The following SYNE2 variants were observed in gnomAD, a reference collection of about 807,000 sequenced individuals.
SYNE2 encodes the protein nesprin-2.
A neutral mutation model predicts 856.3 loss-of-function variants in SYNE2; 431 were observed. That is an observed-to-expected ratio of 0.50 (90% CI 0.47 to 0.55). The LOEUF is 0.55. SYNE2 is among the 20% of genes least tolerant of loss of function. The pLI, the probability that SYNE2 is intolerant of heterozygous loss-of-function variation, is 0.00. For synonymous variants in SYNE2, 2,923 were observed against 2,872.3 expected (o/e 1.02, Z -0.56); for missense variants, 8,129 against 8,023.2 (o/e 1.01, Z -0.50).
chr14:63,785,890 G>A (rs1170647202), intron 1 of SYNE2, among the ~76,000 whole-genome samples: 3 of 152,092 alleles, frequency 2.0e-5, no homozygotes, highest in Non-Finnish European at 4.4e-5. Context: ...AGGACCAATC[G>A]AGCCCAGGAG....
Position 64,113,257 on chromosome 14 carries a change from G to A in SYNE2, c.12610-84G>A, listed in dbSNP as rs1014077939. The A allele has an allele frequency of 3.1e-6, 5 of 1,607,328 alleles. No homozygotes were observed. In the Admixed American group the frequency reaches 8.4e-5, roughly 27 times the overall value. On this transcript the variant is annotated intron_variant, in intron 65 of 115. Coordinates refer to ENST00000555002, the MANE Select transcript of SYNE2 (RefSeq NM_182914.3). ...GTCCTGATTTTGTTTCTTTTAACTG[G>A]GGAAATGTTGCAGGTTCCCAGGTCT...
chr14:63,908,904 T>C (rs1021457239), intron 1 of SYNE2, among the ~76,000 whole-genome samples, 194 bp from the exon 2 acceptor site: 2 of 152,196 alleles, frequency 1.3e-5, no homozygotes, highest in African/African-American at 2.4e-5. Context: ...GAATAAGTCA[T>C]AGGGCAAAAT....
chr14:64,093,794 T>A (rs1004210938), intron 61 of SYNE2, among the ~76,000 whole-genome samples: 1 of 152,184 alleles, frequency 6.6e-6, no homozygotes, highest in Non-Finnish European at 1.5e-5. Flanking sequence ...CATCTCCTTC[T>A]TTAATGGAGG....
In SYNE2 at chr14:63,769,529, G is replaced by A. The variant is rs140756638; in HGVS notation, c.-305+7543G>A. Among the ~76,000 whole-genome samples the A allele has an allele frequency of 4.5e-3, 685 of 152,174 alleles. 8 individuals carry two copies. Among genetic ancestry groups the A allele is most frequent in the East Asian group, 0.043 (222 of 5,166 alleles). On this transcript the variant is annotated intron_variant, in intron 1 of 23. Coordinates refer to the SYNE2 transcript ENST00000674003. ...AAAAATACAAAAAAATTAGCTGGGC[G>A]TGGTGGCGGGCGCCGGTAGTCCCAG...
intron 1 of SYNE2, among the ~76,000 whole-genome samples, chr14:63,770,089 T>C (rs527446739): frequency 3.9e-5 from 6 of 152,208 alleles, no homozygotes; most frequent in African/African-American, 1.4e-4. Flanking sequence ...TTATTTTTTA[T>C]TTTTATCTTT....
intron 94 of SYNE2, 37 bp downstream of exon 94, chr14:64,170,499 G>A: frequency 6.4e-7 from 1 of 1,561,494 alleles, no homozygotes. Context: ...GAACCACAGG[G>A]TGGTCATTGT....
intron 1 of SYNE2, among the ~76,000 whole-genome samples, chr14:63,802,855 T>C (rs1411402510): frequency 6.6e-6 from 1 of 152,066 alleles, no homozygotes; most frequent in Non-Finnish European, 1.5e-5. Flanking sequence ...TCGTTCCTCC[T>C]GGTGGGCTCG....
At chr14:64,218,039 C>T (rs2098675146) in intron 108 of SYNE2, among the ~76,000 whole-genome samples, 1 of 152,220 alleles carries the variant, frequency 6.6e-6, no homozygotes, top group African/African-American at 2.4e-5. Flanking sequence ...TATGAAAATT[C>T]AAAGTGCTAA....
At chr14:63,775,729 G>A (rs921217742) in intron 1 of SYNE2, among the ~76,000 whole-genome samples, 2 of 152,100 alleles carry the variant, frequency 1.3e-5, no homozygotes, top group African/African-American at 4.8e-5. Context: ...CTACAGGTGC[G>A]TGCCACCGCC....
In SYNE2 at chr14:64,210,144, G is replaced by T. The variant is rs771206230; in HGVS notation, c.18723+20G>T. 28 of 1,611,532 alleles carry T rather than the reference G, an allele frequency of 1.7e-5. No individual in the cohort carries two copies. The highest frequency in any genetic ancestry group is 2.3e-5 in the Non-Finnish European group (27 of 1,178,690). ...CTCAGGGTGAGCTCCTCTGCACCTG[G>T]CTCGGGTGTAGATTTTCCAGGAGAC... is the stretch of plus-strand genomic sequence containing the variant. On this transcript the variant is annotated intron_variant, in intron 103 of 115. Coordinates refer to ENST00000555002, the MANE Select transcript of SYNE2 (RefSeq NM_182914.3).
At chr14:64,106,849 TA>T (rs1382088428) in intron 64 of SYNE2, among the ~76,000 whole-genome samples, 5 of 152,306 alleles carry the variant, frequency 3.3e-5, no homozygotes, top group East Asian at 1.9e-4. Context: ...AATTTATTGT[TA>T]GGGGTGATAC....
intron 61 of SYNE2, among the ~76,000 whole-genome samples, chr14:64,095,382 G>A (rs1470169021): frequency 1.3e-5 from 2 of 152,070 alleles, no homozygotes; most frequent in African/African-American, 4.8e-5. Context: ...AAAATTTACT[G>A]GCCTACTTTG....
Position 64,211,996 on chromosome 14 carries a change from C to G in SYNE2, c.18759C>G (p.Thr6253=). The G allele has an allele frequency of 6.2e-7, 1 of 1,614,158 alleles. No homozygotes were observed. The highest frequency in any genetic ancestry group is 8.5e-7 in the Non-Finnish European group (1 of 1,180,032). The change falls in exon 104 of 116, where the codon ACC becomes ACG. Residue 6253 remains threonine, a synonymous_variant. Transcript: ENST00000555002. ...ACCAGAGGGAAGAATTTGAGGGCAC[C>G]AGGGAGAGCATTCTGGTGTGGCTCA... The part of the protein sequence containing the change: ...FTNQREEFEG[T]RESILVWLTE...
intron 78 of SYNE2, 112 bp downstream of exon 78, chr14:64,134,312 A>G (rs1266983332): frequency 1.8e-6 from 2 of 1,114,340 alleles, no homozygotes; most frequent in Non-Finnish European, 2.7e-6. Context: ...CAAAATGTTC[A>G]TCATACAACT....
At position 63,789,830 on chromosome 14, in the gene SYNE2, C is replaced by T. The variant is rs1287992687; in HGVS notation, c.-305+27844C>T. ...TAAACTAAGGAGACCTCACCAAAGA[C>T]AGATTGGGAATATAAAAAGTGAGTG... On this transcript the variant is annotated intron_variant, in intron 1 of 23. Coordinates refer to the SYNE2 transcript ENST00000674003. 3.3e-5 allele frequency among the ~76,000 whole-genome samples: 5 copies of T among 150,634 alleles called. No homozygotes were observed. In the East Asian group the frequency reaches 9.7e-4, roughly 29 times the overall value.
intron 50 of SYNE2, 24 bp from the exon 51 acceptor site, chr14:64,065,408 A>G (rs772441103): frequency 1.9e-6 from 3 of 1,599,134 alleles, no homozygotes; most frequent in East Asian, 4.5e-5. Context: ...TGTCCCTCTT[A>G]TTTTTTTTCT....
chr14:64,146,842 C>CTGT (rs1203976557), intron 84 of SYNE2, among the ~76,000 whole-genome samples: 10 of 152,238 alleles, frequency 6.6e-5, no homozygotes, highest in African/African-American at 1.2e-4. Flanking sequence ...ACACGCTGTG[C>CTGT]TGTTTCTGCA....
At chr14:64,045,068 C>T (rs1438379959) in intron 45 of SYNE2, among the ~76,000 whole-genome samples, 1 of 152,066 alleles carries the variant, frequency 6.6e-6, no homozygotes, top group Non-Finnish European at 1.5e-5. Context: ...TCTTCCATTC[C>T]AGGAGCTTAT....
chr14:63,836,213 G>A (rs1889855613), intron 1 of SYNE2, among the ~76,000 whole-genome samples: 1 of 151,918 alleles, frequency 6.6e-6, no homozygotes, highest in Admixed American at 6.6e-5. Flanking sequence ...TTGTAGAGAT[G>A]GGGTTTCACC....
Sources: allele counts gnomAD v4.1 joint callset (sites outside exome capture counted in the v4.1 genomes callset), GRCh38; gene constraint gnomAD v4.1.1; transcripts MANE v1.5; gene names NCBI Gene and HGNC (gene_info 2026-07-23, HGNC 2026-07-21).